OTOG: variants seen among roughly 807,000 people sequenced by gnomAD.
The protein encoded by OTOG is otogelin.
OTOG carries 296 observed loss-of-function variants against 313.8 expected under a neutral mutation model. The observed-to-expected ratio is 0.94, with a 90% CI of 0.86 to 1.04. OTOG has a LOEUF of 1.04. Among genes scored for constraint, OTOG ranks in the 50% least tolerant of loss-of-function variants. The pLI is 0.00. For missense variants in OTOG, 3,948 were observed against 3,840.1 expected (o/e 1.03, Z -0.74); for synonymous variants, 1,533 against 1,554.9 (o/e 0.99, Z 0.33).
chr11:17,569,898 C>A (rs1319566753), intron 16 of OTOG, among the ~76,000 whole-genome samples: 2 of 152,190 alleles, frequency 1.3e-5, no homozygotes, highest in African/African-American at 4.8e-5. Context: ...GTTACAGAAT[C>A]CTCCTTCTGC....
Position 17,610,282 on chromosome 11 carries a change from C to T in OTOG, c.4982C>T (p.Ser1661Leu), listed in dbSNP as rs1475473043. 10 of 1,550,540 alleles carry T rather than the reference C, an allele frequency of 6.4e-6. No homozygotes were observed. The highest frequency in any genetic ancestry group is 3.9e-5 in the Admixed American group (2 of 50,984). The change falls in exon 36 of 56, where the codon TCG becomes TTG. Residue 1661 changes from serine to leucine, a missense_variant. Transcript: ENST00000399397. ...GCCATCTCCAGGTCCCCCACCTCCT[C>T]GGGATCCCACAAGGCTGTGCTGACA... is the stretch of plus-strand genomic sequence containing the variant. ...PGAISRSPTS[S>L]GSHKAVLTPA...
intron 47 of OTOG, among the ~76,000 whole-genome samples, chr11:17,637,851 G>C (rs740321): frequency 0.04 from 6,084 of 152,210 alleles, 417 homozygotes; most frequent in African/African-American, 0.14. Flanking sequence ...AACTCTTACA[G>C]TTTTCAGATC....
intron 11 of OTOG, among the ~76,000 whole-genome samples, 158 bp downstream of exon 11, chr11:17,559,319 G>A (rs1309913941): frequency 6.6e-6 from 1 of 152,214 alleles, no homozygotes; most frequent in African/African-American, 2.4e-5. Context: ...CTGAGGCTCA[G>A]AGTGGGAGGA....
At chr11:17,566,517 T>C (rs1452035402) in intron 15 of OTOG, among the ~76,000 whole-genome samples, 1 of 152,206 alleles carries the variant, frequency 6.6e-6, no homozygotes, top group Non-Finnish European at 1.5e-5. Context: ...CATCTGTATC[T>C]ACATGTGCTA....
At chr11:17,582,551 G>C (rs1008072313) in intron 23 of OTOG, among the ~76,000 whole-genome samples, 2 of 152,192 alleles carry the variant, frequency 1.3e-5, no homozygotes, top group Non-Finnish European at 2.9e-5. Context: ...TTGTCAAGCT[G>C]TTTTCCAAAG....
At position 17,553,180 on chromosome 11, in the gene OTOG, C is replaced by G; in HGVS notation, c.354C>G (p.Arg118=). 1.3e-6 allele frequency: 2 copies of G among 1,550,574 alleles called. No individual in the cohort carries two copies. Among genetic ancestry groups the G allele is most frequent in the Middle Eastern group, 1.7e-4 (1 of 5,992 alleles). ...ACCCAGCCTTCTGTGACTGCAGACG[C>G]TTCAATGCCACTGGACCGCGCTGCC... ...CVHPAFCDCR[R]FNATGPRCQM... The change falls in exon 5 of 56, where the codon CGC becomes CGG. Residue 118 remains arginine (R), a synonymous_variant. Coordinates refer to ENST00000399397, the MANE Select transcript of OTOG (RefSeq NM_001292063.2).
chr11:17,631,673 G>A (rs1854129637), intron 40 of OTOG, 29 bp from the exon 41 acceptor site: 3 of 1,521,518 alleles, frequency 2.0e-6, no homozygotes, highest in Non-Finnish European at 2.7e-6. Flanking sequence ...TGATGATCGT[G>A]GCTGTTGGGA....
At position 17,547,285 on chromosome 11, in the gene OTOG, G is replaced by A. The variant is rs1233665219; in HGVS notation, c.-88G>A. On this transcript the variant is annotated 5_prime_UTR_variant, in exon 1 of 56. Transcript: ENST00000399397. ...TGAGAACAAGAGGGACCTCGGCTGC[G>A]GAGTGGAGGTGTGACCCTGCCTTAG... The A allele has an allele frequency of 7.1e-6, 8 of 1,121,096 alleles. No homozygotes were observed. The highest frequency in any genetic ancestry group is 6.6e-4 in the Middle Eastern group (2 of 3,030). 69.4% of individuals were successfully genotyped at this position (1,121,096 alleles called of 1,614,324 possible). A position where few individuals can be genotyped will look rare whatever the true frequency, so the allele number is the denominator to read the frequency against.
intron 47 of OTOG, among the ~76,000 whole-genome samples, chr11:17,636,290 A>G (rs1010183889): frequency 2.6e-5 from 4 of 152,208 alleles, no homozygotes; most frequent in Admixed American, 2.0e-4. Flanking sequence ...AGAATGCACT[A>G]TGTACATAGT....
rs1367997797 is a variant in OTOG at position 17,638,334 on chromosome 11, T to G, written c.7796-117T>G. 5.8e-6 allele frequency: 5 copies of G among 865,384 alleles called. No individual in the cohort carries two copies. In the African/African-American group the frequency reaches 6.8e-5, roughly 12 times the overall value. 53.6% of individuals were successfully genotyped at this position (865,384 alleles called of 1,614,324 possible). On this transcript the variant is annotated intron_variant, in intron 47 of 55. Coordinates refer to ENST00000399397, the MANE Select transcript of OTOG (RefSeq NM_001292063.2). Reference sequence around the variant, plus strand: ...CTCTTCCCTGGGGCTCTGAGGACAGTGGGGGTCACTAAGGAGGAGCTGGGG... The same window carrying G: ...CTCTTCCCTGGGGCTCTGAGGACAGGGGGGGTCACTAAGGAGGAGCTGGGG...
chr11:17,645,849 C>T lies in OTOG; in HGVS notation c.8647C>T (p.Gln2883Ter). ...FCKCCREVGL[Q>*]RRSVQLFCAT... ...CAAGTGCTGCCGTGAGGTGGGCCTGCAGCGGCGCTCTGTGCAGCTCTTCTG... is the reference window on the plus strand; with the variant it reads ...CAAGTGCTGCCGTGAGGTGGGCCTGTAGCGGCGCTCTGTGCAGCTCTTCTG... The change falls in exon 56 of 56, where the codon CAG (glutamine) becomes TAG (stop). Residue 2883 changes from glutamine to a stop codon, truncating the protein, a stop_gained. Transcript: ENST00000399397. LOFTEE classifies it high-confidence loss of function. 2.6e-6 allele frequency: 4 copies of T among 1,550,906 alleles called. No individual in the cohort carries two copies. The highest frequency in any genetic ancestry group is 2.6e-6 in the Non-Finnish European group (3 of 1,147,060).
intron 7 of OTOG, among the ~76,000 whole-genome samples, chr11:17,556,132 G>A (rs1162196516): frequency 6.6e-6 from 1 of 152,156 alleles, no homozygotes; most frequent in Non-Finnish European, 1.5e-5. Context: ...CAGACAGCAG[G>A]CTTTCAGGAA....
rs1244606334 is a variant in OTOG, at chr11:17,610,960, T to G, written c.5660T>G (p.Val1887Gly). Residue 1887 changes from valine (V) to glycine (G), a missense_variant, in exon 36 of 56, where the codon GTC (valine) becomes GGC (glycine). Physicochemically the swap from Val to Gly is moderately radical, Grantham distance 109 (BLOSUM62 -3). Transcript: ENST00000399397. ...GGAGCCACATTGCCAACCTCTGGAGTCCTGCCTGTGGCTGAGGGCACGGCC... is the reference window on the plus strand; with the variant it reads ...GGAGCCACATTGCCAACCTCTGGAGGCCTGCCTGTGGCTGAGGGCACGGCC... ...LLGATLPTSG[V>G]LPVAEGTASM... is the part of the protein sequence containing the mutation. 1 of 1,550,036 alleles carries G rather than the reference T, an allele frequency of 6.5e-7. No homozygotes were observed. The highest frequency in any genetic ancestry group is 2.0e-5 in the Admixed American group (1 of 50,990).
intron 31 of OTOG, 27 bp from the exon 32 acceptor site, chr11:17,602,183 G>T (rs1005705767): frequency 6.5e-7 from 1 of 1,548,404 alleles, no homozygotes. Flanking sequence ...ATGGGGCCAG[G>T]TTGCTGATGG....
At chr11:17,634,765 A>C (rs532656235) in intron 44 of OTOG, 79 bp from the exon 45 acceptor site, 7 of 1,234,594 alleles carry the variant, frequency 5.7e-6, no homozygotes, top group African/African-American at 1.5e-5. Context: ...GGGGTTGGGC[A>C]GTTGTCCAGT....
Position 17,622,196 on chromosome 11 carries a change from A to C in OTOG, c.6529-6937A>C, listed in dbSNP as rs535056255. On this transcript the variant is annotated intron_variant, in intron 39 of 55. Coordinates refer to ENST00000399397, the MANE Select transcript of OTOG (RefSeq NM_001292063.2). ...CTACATAATAGTTCATGTGCTGCAT[A>C]ATTTGCTGCATAAAACAGTCTAATC... Among the ~76,000 whole-genome samples the C allele has an allele frequency of 2.0e-5, 3 of 152,300 alleles. No homozygotes were observed. In the East Asian group the frequency reaches 5.8e-4, roughly 29 times the overall value.
chr11:17,551,442 G>A (rs915145567), intron 3 of OTOG, among the ~76,000 whole-genome samples: 3 of 152,176 alleles, frequency 2.0e-5, no homozygotes, highest in African/African-American at 7.2e-5. Flanking sequence ...TATCAGGGCA[G>A]GAGTCCTGAC....
chr11:17,612,660 C>T lies in OTOG; in HGVS notation c.6333C>T (p.Phe2111=), dbSNP rs1302668208. 9.0e-6 allele frequency: 14 copies of T among 1,550,598 alleles called. No homozygotes were observed. Among genetic ancestry groups the T allele is most frequent in the South Asian group, 1.2e-5 (1 of 84,052 alleles). The change falls in exon 38 of 56, where the codon TTC becomes TTT. Residue 2111 remains phenylalanine (F), a synonymous_variant. Transcript: ENST00000399397. The part of the protein sequence containing the change: ...SIFPDLSFVT[F]DGSHVALFKE... ...TCCCTGACCTGAGCTTCGTGACCTT[C>T]GATGGGAGCCACGTAGCTCTGTTCA...
At position 17,547,424 on chromosome 11, in the gene OTOG, T is replaced by C. The variant is rs1851831085; in HGVS notation, c.52T>C (p.Trp18Arg). ...CTGGCTGCTTTGTGTCTGGCTGCCCTGGGGTGAGCAGGCAGCCGAGTCCCT... is the reference window on the plus strand; with the variant it reads ...CTGGCTGCTTTGTGTCTGGCTGCCCCGGGGTGAGCAGGCAGCCGAGTCCCT... ...LCWLLCVWLPWGEQAAESLRV... is the reference protein window; with the variant it reads ...LCWLLCVWLPRGEQAAESLRV... Residue 18 changes from tryptophan to arginine, a missense_variant, in exon 1 of 56, where the codon TGG becomes CGG. Coordinates refer to ENST00000399397, the MANE Select transcript of OTOG (RefSeq NM_001292063.2). 7.1e-7 allele frequency: 1 copy of C among 1,410,528 alleles called. No individual in the cohort carries two copies. The highest frequency in any genetic ancestry group is 2.9e-5 in the East Asian group (1 of 34,268). The allele number at this position is 1,410,528 out of a possible 1,614,324, so 87.4% of individuals were successfully genotyped here.
Sources: allele counts gnomAD v4.1 joint callset (sites outside exome capture counted in the v4.1 genomes callset), GRCh38; gene constraint gnomAD v4.1.1; transcripts MANE v1.5; gene names NCBI Gene and HGNC (gene_info 2026-07-23, HGNC 2026-07-21).